Variants in GRM5 observed in about 807,000 individuals in gnomAD.
GRM5 encodes the protein metabotropic glutamate receptor 5.
A neutral mutation model predicts 83.1 loss-of-function variants in GRM5; 19 were observed. The observed-to-expected ratio is 0.23, with a 90% confidence interval of 0.16 to 0.34. The LOEUF (loss-of-function observed/expected upper bound fraction) is 0.34, where lower values mean the gene tolerates loss of function less well. Among genes scored for constraint, GRM5 ranks in the 10% least tolerant of loss-of-function variants. The pLI, the probability that GRM5 is intolerant of heterozygous loss-of-function variation, is 1.00. For synonymous variants in GRM5, 675 were observed against 633.6 expected (o/e 1.07, Z -0.98); for missense variants, 1,160 against 1,588.3 (o/e 0.73, Z 4.58).
At chr11:88,821,472 T>A (rs1943794016) in intron 3 of GRM5, among the ~76,000 whole-genome samples, 1 of 152,080 alleles carries the variant, frequency 6.6e-6, no homozygotes, top group South Asian at 2.1e-4. Flanking sequence ...GGTTTCGATG[T>A]CACCTTCCTC....
At chr11:88,807,771 T>C (rs2135493781) in intron 3 of GRM5, among the ~76,000 whole-genome samples, 1 of 152,164 alleles carries the variant, frequency 6.6e-6, no homozygotes, top group African/African-American at 2.4e-5. Flanking sequence ...TTTAGGCATC[T>C]GAAATTAATG....
chr11:88,871,248 A>G (rs1330673427), intron 2 of GRM5, among the ~76,000 whole-genome samples: 1 of 151,574 alleles, frequency 6.6e-6, no homozygotes, highest in Non-Finnish European at 1.5e-5. Context: ...AGATTAAACA[A>G]CTTACTCAAG....
chr11:89,035,873 G>A (rs1406692079), intron 2 of GRM5, among the ~76,000 whole-genome samples: 2 of 151,528 alleles, frequency 1.3e-5, no homozygotes, highest in African/African-American at 4.8e-5. Context: ...ATTTTTTTTG[G>A]TTTTAAACTC....
rs1313761209 is a variant in GRM5, at chr11:89,020,834, A to G, written c.661+26378T>C. On this transcript the variant is annotated intron_variant, in intron 2 of 9. Coordinates refer to ENST00000305447, the MANE Select transcript of GRM5 (RefSeq NM_001143831.3). ...TTAATCATTATCTCATTTAATTCTC[A>G]AATATCCTTCCATGTAATCACAATG... Among the ~76,000 whole-genome samples, 3 of 152,246 alleles carry G rather than the reference A, an allele frequency of 2.0e-5. No individual in the cohort carries two copies. The East Asian group carries it at 5.8e-4, about 29-fold the overall frequency.
At chr11:88,934,720 T>C (rs1432875673) in intron 2 of GRM5, among the ~76,000 whole-genome samples, 1 of 151,890 alleles carries the variant, frequency 6.6e-6, no homozygotes, top group Non-Finnish European at 1.5e-5. Context: ...GTCTTATAAT[T>C]GAATATACAT....
chr11:88,781,930 T>A (rs1942983554), intron 3 of GRM5, among the ~76,000 whole-genome samples: 1 of 152,172 alleles, frequency 6.6e-6, no homozygotes, highest in African/African-American at 2.4e-5. Context: ...AACACAGTAG[T>A]GAATTCACAC....
rs1941658975 is a variant in GRM5, at chr11:89,047,151, C to A, written c.661+61G>T. 2.3e-6 allele frequency: 3 copies of A among 1,319,088 alleles called. No homozygotes were observed. The highest frequency in any genetic ancestry group is 4.6e-5 in the East Asian group (2 of 43,162). The allele number at this position is 1,319,088 out of a possible 1,614,324, so 81.7% of individuals were successfully genotyped here. ...TAGGAATAGTTTACTCTTCCCAAAC[C>A]TGAAATTGTAACTGTTGAGTGCATA... On this transcript the variant is annotated intron_variant, in intron 2 of 9. Transcript: ENST00000305447. The surrounding 1 kb of genome is among the most constrained non-coding windows in gnomAD (Gnocchi z 5.1).
intron 3 of GRM5, among the ~76,000 whole-genome samples, chr11:88,743,189 T>C (rs72966430): frequency 0.087 from 13,282 of 152,100 alleles, 671 homozygotes; most frequent in African/African-American, 0.15. Flanking sequence ...AAAAGGGTGA[T>C]GGACCATCTC....
At chr11:88,949,857 A>T (rs2135677056) in intron 2 of GRM5, among the ~76,000 whole-genome samples, 1 of 152,180 alleles carries the variant, frequency 6.6e-6, no homozygotes, top group South Asian at 2.1e-4. Context: ...CATCAATGTA[A>T]TCAATATGCA....
intron 2 of GRM5, among the ~76,000 whole-genome samples, chr11:88,921,935 C>A (rs1945700348): frequency 6.7e-6 from 1 of 149,934 alleles, no homozygotes; most frequent in Non-Finnish European, 1.5e-5. Context: ...AACCGTATTT[C>A]TATATGCCAA....
At chr11:88,900,951 C>A (rs1277221438) in intron 2 of GRM5, among the ~76,000 whole-genome samples, 1 of 152,128 alleles carries the variant, frequency 6.6e-6, no homozygotes, top group Non-Finnish European at 1.5e-5. Context: ...ACTACAACTT[C>A]GATCCCATAT....
chr11:88,524,214 C>CTTTTTTT (rs71470770), intron 9 of GRM5, among the ~76,000 whole-genome samples: 7 of 101,400 alleles, frequency 6.9e-5, no homozygotes, highest in South Asian at 3.3e-4. Flanking sequence ...TTCTTTCTTT[C>CTTTTTTT]TTTTTTTTTT....
At chr11:88,684,285 C>T (rs1017954257) in intron 3 of GRM5, among the ~76,000 whole-genome samples, 2 of 152,082 alleles carry the variant, frequency 1.3e-5, no homozygotes, top group Admixed American at 6.6e-5. Context: ...ATGTTTTAAG[C>T]AGGGGAATTA....
intron 3 of GRM5, among the ~76,000 whole-genome samples, chr11:88,755,954 C>CA (rs1196034314): frequency 6.6e-6 from 1 of 151,912 alleles, no homozygotes; most frequent in Non-Finnish European, 1.5e-5. Flanking sequence ...AAACAAAAGC[C>CA]AAAAAAATAT....
At chr11:89,058,237 G>T (rs1941917363) in intron 1 of GRM5, among the ~76,000 whole-genome samples, 1 of 152,100 alleles carries the variant, frequency 6.6e-6, no homozygotes, top group Admixed American at 6.6e-5. Flanking sequence ...CTGTTTCCTA[G>T]CATCATTTAG....
intron 8 of GRM5, among the ~76,000 whole-genome samples, chr11:88,531,673 G>A (rs943581556): frequency 6.6e-6 from 1 of 152,108 alleles, no homozygotes; most frequent in Non-Finnish European, 1.5e-5. Context: ...GTTTCCTAGA[G>A]AGTTCAAGAA....
At chr11:88,668,458 G>T (rs189924246) in intron 3 of GRM5, among the ~76,000 whole-genome samples, 47 of 151,730 alleles carry the variant, frequency 3.1e-4, no homozygotes, top group Admixed American at 8.5e-4. Context: ...CATTTTATAA[G>T]TCCAGAAAAA....
intron 3 of GRM5, among the ~76,000 whole-genome samples, chr11:88,764,963 T>C (rs1942599981): frequency 6.6e-6 from 1 of 151,124 alleles, no homozygotes; most frequent in Admixed American, 6.6e-5. Flanking sequence ...TTTAGGTAGA[T>C]GGACAAACAA....
At chr11:89,039,268 A>AT (rs1234507424) in intron 2 of GRM5, among the ~76,000 whole-genome samples, 3 of 80,266 alleles carry the variant, frequency 3.7e-5, no homozygotes, top group Non-Finnish European at 7.6e-5. Flanking sequence ...CCGTTTCAAA[A>AT]TAAAAAAAAA....
Sources: allele counts gnomAD v4.1 joint callset (sites outside exome capture counted in the v4.1 genomes callset), GRCh38; gene constraint gnomAD v4.1.1; non-coding constraint Gnocchi (gnomAD v3.1); transcripts MANE v1.5; gene names NCBI Gene and HGNC (gene_info 2026-07-23, HGNC 2026-07-21).